The following SLC6A5 variants were observed in gnomAD, a reference collection of about 807,000 sequenced individuals.
SLC6A5 encodes the protein sodium- and chloride-dependent glycine transporter 2.
A neutral mutation model predicts 90.5 loss-of-function variants in SLC6A5; 58 were observed. The observed-to-expected ratio is 0.64, with a 90% CI of 0.52 to 0.80. The LOEUF (loss-of-function observed/expected upper bound fraction) is 0.80. Ranked by LOEUF, SLC6A5 falls within the 30% of genes least tolerant of loss-of-function variation. SLC6A5 has a pLI of 0.00. For missense variants in SLC6A5, 1,015 were observed against 1,017.6 expected, an observed-to-expected ratio of 1.00 and a Z score of 0.03; for synonymous variants, 427 against 401.4, an observed-to-expected ratio of 1.06 and a Z score of -0.76.
intron 3 of SLC6A5, among the ~76,000 whole-genome samples, chr11:20,606,207 G>A (rs1852577652): frequency 6.6e-6 from 1 of 152,266 alleles, no homozygotes; most frequent in African/African-American, 2.4e-5. Flanking sequence ...TGACTCTATG[G>A]AGGCCTGCCA....
At chr11:20,612,803 A>G (rs1376432788) in intron 5 of SLC6A5, among the ~76,000 whole-genome samples, 1 of 152,194 alleles carries the variant, frequency 6.6e-6, no homozygotes, top group East Asian at 1.9e-4. Context: ...TATAGGTGTG[A>G]GCCACCCTGC....
chr11:20,637,255 G>A lies in SLC6A5; in HGVS notation c.1821G>A (p.Leu607=). Residue 607 remains leucine, a synonymous_variant, in exon 12 of 16, where the codon CTG becomes CTA. Coordinates refer to ENST00000525748, the MANE Select transcript of SLC6A5 (RefSeq NM_004211.5). ...YLRTHKPVFT[L]GCCICFFIMG... The stretch of plus-strand genomic sequence containing the variant: ...GCACACACAAGCCAGTGTTTACTCT[G>A]GGCTGCTGCATTTGTTTCTTCATCA... The A allele has an allele frequency of 6.2e-7, 1 of 1,613,846 alleles. No homozygotes were observed. Among genetic ancestry groups the A allele is most frequent in the Non-Finnish European group, 8.5e-7 (1 of 1,179,914 alleles).
intron 5 of SLC6A5, among the ~76,000 whole-genome samples, chr11:20,614,215 C>T (rs558209978): frequency 7.2e-5 from 11 of 152,158 alleles, no homozygotes; most frequent in East Asian, 1.9e-4. Flanking sequence ...TAATTCAATT[C>T]GTTTCAGCAA....
chr11:20,601,791 G>A (rs1190170607), intron 2 of SLC6A5, 126 bp downstream of exon 2: 5 of 1,025,504 alleles, frequency 4.9e-6, no homozygotes, highest in Middle Eastern at 5.9e-4. Context: ...GGTGATGGAT[G>A]CGGGAGGCGG....
At chr11:20,627,832 T>G in intron 8 of SLC6A5, 148 bp from the exon 9 acceptor site, 2 of 691,254 alleles carry the variant, frequency 2.9e-6, no homozygotes, top group Non-Finnish European at 5.3e-6. Context: ...GCACAAGTGA[T>G]TTATGTTCTC....
chr11:20,625,589 T>A (rs1463411661), intron 7 of SLC6A5, among the ~76,000 whole-genome samples: 3 of 152,134 alleles, frequency 2.0e-5, no homozygotes, highest in Non-Finnish European at 2.9e-5. Flanking sequence ...CGCTGGTCCC[T>A]CCCTCTTTTC....
chr11:20,607,644 T>A lies in SLC6A5; in HGVS notation c.977T>A (p.Leu326His). ...NTPECKDKTK[L>H]LLDSCVISDH... ...CCAGAATGCAAAGATAAAACCAAAC[T>A]TTTATTAGGTAAGTTTGGAAATACC... The change falls in exon 5 of 16, where the codon CTT (leucine) becomes CAT (histidine). Residue 326 changes from leucine (L) to histidine (H), a missense_variant. Leu to His is a moderately conservative substitution (Grantham distance 99). Coordinates refer to ENST00000525748, the MANE Select transcript of SLC6A5 (RefSeq NM_004211.5). 3.7e-6 allele frequency: 6 copies of A among 1,613,652 alleles called. No individual in the cohort carries two copies. The highest frequency in any genetic ancestry group is 1.1e-5 in the South Asian group (1 of 91,072).
chr11:20,649,618 G>A (rs12805090), intron 14 of SLC6A5, among the ~76,000 whole-genome samples: 24,351 of 152,140 alleles, frequency 0.16, 2,079 homozygotes, highest in Middle Eastern at 0.19. Flanking sequence ...AATAGGCTAA[G>A]ATTATGGGTT....
In SLC6A5 at chr11:20,604,428, T is replaced by C. The variant is rs1202175627; in HGVS notation, c.679+4T>C. ...CTGGCCTTCCAGAACGGGGGAGGTA[T>C]GGCTTTTCCGCTCTTTCCGCCTGCG... On this transcript the variant is annotated splice_donor_region_variant and intron_variant, in intron 3 of 15. Coordinates refer to ENST00000525748, the MANE Select transcript of SLC6A5 (RefSeq NM_004211.5). The C allele has an allele frequency of 6.2e-7, 1 of 1,606,940 alleles. No homozygotes were observed. The highest frequency in any genetic ancestry group is 8.5e-7 in the Non-Finnish European group (1 of 1,176,206).
chr11:20,601,033 T>C (rs1403258222), intron 1 of SLC6A5, 96 bp from the exon 2 acceptor site: 12 of 1,271,834 alleles, frequency 9.4e-6, no homozygotes, highest in Non-Finnish European at 1.3e-5. Flanking sequence ...AGATATTGTG[T>C]CTGGACCTGA....
intron 7 of SLC6A5, among the ~76,000 whole-genome samples, chr11:20,623,244 A>G (rs1029840543): frequency 5.9e-5 from 9 of 152,128 alleles, no homozygotes; most frequent in Admixed American, 5.9e-4. Flanking sequence ...ACCTGCAGCC[A>G]GGAAGAAAGA....
At position 20,601,448 on chromosome 11, in the gene SLC6A5, C is replaced by A. The variant is rs759697015; in HGVS notation, c.323C>A (p.Pro108His). ...REAQGAQASP[P>H]PGSSGPGNAL... is the part of the protein sequence containing the mutation. ...GCGCAAGGCGCGCAGGCCTCGCCCC[C>A]TCCCGGGAGCTCCGGGCCCGGCAAC... Residue 108 changes from proline (P) to histidine (H), a missense_variant, in exon 2 of 16, where the codon CCT becomes CAT. Pro to His is a moderately conservative substitution (Grantham distance 77, BLOSUM62 -2). Transcript: ENST00000525748. 6 of 1,608,356 alleles carry A rather than the reference C, an allele frequency of 3.7e-6. No individual in the cohort carries two copies. The African/African-American group carries it at 4.0e-5, about 11-fold the overall frequency.
chr11:20,646,887 ATCT>A lies in SLC6A5; in HGVS notation c.2027_2029del (p.Phe676del), dbSNP rs1442359006. 6.2e-7 allele frequency: 1 copy of A among 1,613,780 alleles called. No homozygotes were observed. The highest frequency in any genetic ancestry group is 2.2e-5 in the East Asian group (1 of 44,874). ...GATGATGATTGGATTCCAGCCTAAC[ATCT>A]TCTGGAAAGTCTGCTGGGCATTTGT... is the stretch of plus-strand genomic sequence containing the variant. On this transcript the variant is annotated inframe_deletion, in exon 14 of 16. Coordinates refer to ENST00000525748, the MANE Select transcript of SLC6A5 (RefSeq NM_004211.5).
At chr11:20,606,712 T>C (rs886422258) in intron 3 of SLC6A5, among the ~76,000 whole-genome samples, 4 of 152,032 alleles carry the variant, frequency 2.6e-5, no homozygotes, top group African/African-American at 9.7e-5. Flanking sequence ...TGAAGTGCTA[T>C]AATAAAAAAA....
intron 1 of SLC6A5, 64 bp from the exon 2 acceptor site, chr11:20,601,065 A>T (rs945380471): frequency 1.5e-5 from 22 of 1,505,060 alleles, no homozygotes; most frequent in African/African-American, 5.5e-5. Flanking sequence ...CTCCATATCT[A>T]GATACAGGTA....
chr11:20,607,219 G>C (rs1590156398), intron 4 of SLC6A5, 81 bp downstream of exon 4: 1 of 1,526,780 alleles, frequency 6.5e-7, no homozygotes. Context: ...CAGGGAGGGA[G>C]ACCTGCCTTT....
rs1312832221 is a variant in SLC6A5 at position 20,601,554 on chromosome 11, G to C, written c.429G>C (p.Arg143=). Residue 143 remains arginine (R), a synonymous_variant, in exon 2 of 16, where the codon CGG becomes CGC. Transcript: ENST00000525748. Reference sequence around the variant, plus strand: ...GTGTGGGCAAGGGCACCCTGGAGCGGAACAATACCCCTGTTGTGGGCTGGG... The same window carrying C: ...GTGTGGGCAAGGGCACCCTGGAGCGCAACAATACCCCTGTTGTGGGCTGGG... ...NVSVGKGTLE[R]NNTPVVGWVN... is the part of the protein sequence containing the mutation. The C allele has an allele frequency of 6.2e-7, 1 of 1,614,070 alleles. No homozygotes were observed. Among genetic ancestry groups the C allele is most frequent in the Non-Finnish European group, 8.5e-7 (1 of 1,180,004 alleles).
In SLC6A5 at chr11:20,655,275, C is replaced by A; in HGVS notation, c.*407C>A. 3.4e-6 allele frequency: 1 copy of A among 297,062 alleles called. No homozygotes were observed. The highest frequency in any genetic ancestry group is 2.2e-5 in the African/African-American group (1 of 46,042). 18.4% of individuals were successfully genotyped at this position (297,062 alleles called of 1,614,324 possible). ...TTACAAGACTTTATTTGGACTTGAA[C>A]AGAACTGAGCAATGTGGTGATCTTG... On this transcript the variant is annotated 3_prime_UTR_variant, in exon 16 of 16. Coordinates refer to ENST00000525748, the MANE Select transcript of SLC6A5 (RefSeq NM_004211.5).
chr11:20,635,401 G>GCC (rs34348153), intron 10 of SLC6A5, among the ~76,000 whole-genome samples: 62 of 151,752 alleles, frequency 4.1e-4, no homozygotes, highest in African/African-American at 8.2e-4. Flanking sequence ...TTCATGCGCC[G>GCC]CCCCCCCGCA....
Sources: allele counts gnomAD v4.1 joint callset (sites outside exome capture counted in the v4.1 genomes callset), GRCh38; gene constraint gnomAD v4.1.1; transcripts MANE v1.5; gene names NCBI Gene and HGNC (gene_info 2026-07-23, HGNC 2026-07-21).